CNGB1: variants seen among roughly 807,000 people sequenced by gnomAD.
CNGB1 encodes cyclic nucleotide-gated channel beta-1.
CNGB1 carries 126 observed loss-of-function variants against 151.7 expected under a neutral mutation model. The observed-to-expected ratio is 0.83, with a 90% CI of 0.72 to 0.96. CNGB1 has a LOEUF of 0.96. CNGB1 is among the 40% of genes least tolerant of loss of function. The probability of loss-of-function intolerance (pLI) is 0.00; values close to 1 mark genes in which losing one functional copy is unlikely to be tolerated. For synonymous variants in CNGB1, 623 were observed against 635.1 expected (o/e 0.98, Z 0.29); for missense variants, 1,698 against 1,627.0 (o/e 1.04, Z -0.75).
chr16:57,896,041 G>A (rs78070427), intron 31 of CNGB1, among the ~76,000 whole-genome samples: 9,127 of 152,232 alleles, frequency 0.06, 335 homozygotes, highest in Admixed American at 0.11. Flanking sequence ...CAAGGAGGGA[G>A]TGGAGTTACA....
chr16:57,912,303 T>C (rs568460186), intron 24 of CNGB1, among the ~76,000 whole-genome samples: 214 of 152,292 alleles, frequency 1.4e-3, no homozygotes, highest in South Asian at 2.5e-3. Context: ...CCCATTCTGT[T>C]AGAGCTGGCT....
chr16:57,944,869 G>A (rs527584603), intron 14 of CNGB1, among the ~76,000 whole-genome samples: 7 of 145,494 alleles, frequency 4.8e-5, no homozygotes, highest in South Asian at 2.1e-4. Flanking sequence ...CAGGAGAATC[G>A]CTTGAACCCA....
At chr16:57,947,939 T>C (rs939986103) in intron 14 of CNGB1, among the ~76,000 whole-genome samples, 2 of 152,196 alleles carry the variant, frequency 1.3e-5, no homozygotes, top group African/African-American at 4.8e-5. Flanking sequence ...GTCATTTCAC[T>C]AACAGAAGCA....
chr16:57,939,353 C>T, intron 16 of CNGB1, 77 bp downstream of exon 16: 1 of 1,602,486 alleles, frequency 6.2e-7, no homozygotes, highest in Non-Finnish European at 8.5e-7. Context: ...GGGGTTGCCC[C>T]TGCACGAAGG....
chr16:57,945,605 ATGT>A (rs1961786866), intron 14 of CNGB1, among the ~76,000 whole-genome samples: 1 of 152,238 alleles, frequency 6.6e-6, no homozygotes. Context: ...AGACTGCCAG[ATGT>A]TGTTCTGGTG....
chr16:57,888,172 T>C (rs1328836694), intron 31 of CNGB1, 98 bp from the exon 32 acceptor site: 10 of 1,300,468 alleles, frequency 7.7e-6, no homozygotes, highest in South Asian at 5.0e-5. Flanking sequence ...TGTGTAGTGG[T>C]GGTGATTTTG....
At chr16:57,886,168 G>C (rs1200227282) in intron 32 of CNGB1, among the ~76,000 whole-genome samples, 1 of 152,186 alleles carries the variant, frequency 6.6e-6, no homozygotes, top group Admixed American at 6.5e-5. Flanking sequence ...GCTGGGATTT[G>C]GATTTGTGTC....
chr16:57,904,028 G>A, intron 26 of CNGB1, 47 bp from the exon 27 acceptor site: 2 of 1,579,344 alleles, frequency 1.3e-6, no homozygotes, highest in Non-Finnish European at 1.7e-6. Context: ...GGGTCATTGG[G>A]GGTGGGCGCT....
chr16:57,932,035 G>A (rs1370281973), intron 16 of CNGB1, among the ~76,000 whole-genome samples, 157 bp from the exon 17 acceptor site: 3 of 152,148 alleles, frequency 2.0e-5, no homozygotes, highest in African/African-American at 7.2e-5. Context: ...TCCATGCAGG[G>A]GGTACAGGAA....
intron 17 of CNGB1, among the ~76,000 whole-genome samples, chr16:57,931,209 A>G (rs1478211526): frequency 6.6e-6 from 1 of 151,720 alleles, no homozygotes; most frequent in Non-Finnish European, 1.5e-5. Context: ...CCCAGGCTGC[A>G]GTGCAATGGC....
intron 26 of CNGB1, among the ~76,000 whole-genome samples, 169 bp from the exon 27 acceptor site, chr16:57,904,150 G>A (rs1480462570): frequency 3.3e-5 from 5 of 152,106 alleles, no homozygotes; most frequent in Admixed American, 1.3e-4. Flanking sequence ...TTTTACTGAC[G>A]GGAAGTTCTG....
chr16:57,896,425 C>T (rs1176790227), intron 31 of CNGB1, among the ~76,000 whole-genome samples: 1 of 152,086 alleles, frequency 6.6e-6, no homozygotes, highest in Non-Finnish European at 1.5e-5. Flanking sequence ...AAATAACTGG[C>T]CTGTATGGGC....
At chr16:57,923,052 G>A (rs1391096161) in intron 18 of CNGB1, 1 of 434,424 alleles carries the variant, frequency 2.3e-6, no homozygotes, top group East Asian at 4.7e-5. Flanking sequence ...TGCTGGCCGT[G>A]GACACAGCTG....
At position 57,961,038 on chromosome 16, in the gene CNGB1, G is replaced by A. The variant is rs917481084; in HGVS notation, c.459-123C>T. 1.4e-5 allele frequency: 12 copies of A among 864,402 alleles called. No homozygotes were observed. The African/African-American group carries it at 1.8e-4, about 13-fold the overall frequency. 53.5% of individuals were successfully genotyped at this position (864,402 alleles called of 1,614,324 possible). ...CCTCCAATCCTGTTCTGCACAGTGGGGGCCTTGTCCTGGAAACTCTCAAAG... is the reference window on the plus strand; with the variant it reads ...CCTCCAATCCTGTTCTGCACAGTGGAGGCCTTGTCCTGGAAACTCTCAAAG... On this transcript the variant is annotated intron_variant, in intron 7 of 32. Coordinates refer to ENST00000251102, the MANE Select transcript of CNGB1 (RefSeq NM_001297.5).
At chr16:57,916,086 C>T (rs2149364088) in intron 22 of CNGB1, 43 bp downstream of exon 22, 2 of 1,608,996 alleles carry the variant, frequency 1.2e-6, no homozygotes. Flanking sequence ...GCACCCCCTT[C>T]TGAAACCCCG....
In CNGB1 at chr16:57,897,505, T is replaced by C. The variant is rs200287627; in HGVS notation, c.3134A>G (p.Asn1045Ser). ...GTTGGTAAACCCGTGCGCCACCACG[T>C]TGGCCGTGCGCCGGTTCCCGCCCCC... ...AVGGGNRRTANVVAHGFTNLF... is the reference protein window; with the variant it reads ...AVGGGNRRTASVVAHGFTNLF... Residue 1045 changes from asparagine to serine, a missense_variant, in exon 31 of 33, where the codon AAC (asparagine) becomes AGC (serine). Physicochemically the swap from Asn to Ser is conservative, Grantham distance 46 (BLOSUM62 1). Coordinates refer to ENST00000251102, the MANE Select transcript of CNGB1 (RefSeq NM_001297.5). The C allele has an allele frequency of 2.4e-5, 39 of 1,614,024 alleles. No individual in the cohort carries two copies. The highest frequency in any genetic ancestry group is 6.6e-5 in the South Asian group (6 of 91,086).
At position 57,903,987 on chromosome 16, in the gene CNGB1, G is replaced by T. The variant is rs562454960; in HGVS notation, c.2635-6C>A. The stretch of plus-strand genomic sequence containing the variant: ...GCCCCTACCACATCTCTCATCTGGG[G>T]GAAGGGTTATGGGAGGTCAAGGAAG... On this transcript the variant is annotated splice_polypyrimidine_tract_variant and splice_region_variant and intron_variant, in intron 26 of 32. Coordinates refer to ENST00000251102, the MANE Select transcript of CNGB1 (RefSeq NM_001297.5). The T allele has an allele frequency of 6.2e-7, 1 of 1,613,450 alleles. No individual in the cohort carries two copies. The highest frequency in any genetic ancestry group is 8.5e-7 in the Non-Finnish European group (1 of 1,179,806).
At chr16:57,948,385 G>A (rs903513712) in intron 14 of CNGB1, among the ~76,000 whole-genome samples, 18 of 150,154 alleles carry the variant, frequency 1.2e-4, no homozygotes, top group African/African-American at 4.4e-4. Flanking sequence ...GAACTCCTGG[G>A]TTCAAGTGAT....
Position 57,887,741 on chromosome 16 carries a change from A to G in CNGB1, c.3462+114T>C, listed in dbSNP as rs145483189. 1.3e-3 allele frequency: 1,377 copies of G among 1,021,270 alleles called. 15 individuals are homozygous for G. In the African/African-American group the frequency reaches 0.019, roughly 14 times the overall value. 63.3% of individuals were successfully genotyped at this position (1,021,270 alleles called of 1,614,324 possible). Reference sequence around the variant, plus strand: ...ACCAAATGAGCCCTGACTGATAGAAAAAGGAGGGGGAAGACCCTAAAACTA... The same window carrying G: ...ACCAAATGAGCCCTGACTGATAGAAGAAGGAGGGGGAAGACCCTAAAACTA... On this transcript the variant is annotated intron_variant, in intron 32 of 32. Coordinates refer to ENST00000251102, the MANE Select transcript of CNGB1 (RefSeq NM_001297.5).
Sources: allele counts gnomAD v4.1 joint callset (sites outside exome capture counted in the v4.1 genomes callset), GRCh38; gene constraint gnomAD v4.1.1; transcripts MANE v1.5; gene names NCBI Gene and HGNC (gene_info 2026-07-23, HGNC 2026-07-21).